Variants in RANBP2 observed in about 807,000 individuals in gnomAD.
The protein encoded by RANBP2 is E3 SUMO-protein ligase RanBP2.
RANBP2 carries 57 observed loss-of-function variants against 303.6 expected under a neutral mutation model. The ratio of observed to expected loss-of-function variants is 0.19; its 90% CI spans 0.15 to 0.23. The LOEUF is 0.23. Ranked by LOEUF, RANBP2 falls within the 10% of genes least tolerant of loss-of-function variation. The pLI is 1.00. For missense variants in RANBP2, 3,138 were observed against 3,780.8 expected (o/e 0.83, Z 4.46); for synonymous variants, 1,167 against 1,301.5 (o/e 0.90, Z 2.23).
the RANBP2 span, among the ~76,000 whole-genome samples, chr2:109,408,526 G>A: frequency 2.0e-5 from 3 of 152,194 alleles, no homozygotes; most frequent in Admixed American, 6.5e-5. Flanking sequence ...ACGCGCTCAC[G>A]CCCAGGCCGG....
chr2:109,487,463 G>A, the RANBP2 span, among the ~76,000 whole-genome samples: 1 of 152,238 alleles, frequency 6.6e-6, no homozygotes, highest in African/African-American at 2.4e-5. Flanking sequence ...GCAGAATTCT[G>A]TCCTGGAAGG....
the RANBP2 span, among the ~76,000 whole-genome samples, chr2:108,891,031 T>C: frequency 6.6e-6 from 1 of 152,186 alleles, no homozygotes; most frequent in Non-Finnish European, 1.5e-5. Context: ...AAAAAAAATC[T>C]ATCTCTTTGA....
the RANBP2 span, among the ~76,000 whole-genome samples, chr2:109,008,776 C>T: frequency 3.3e-5 from 5 of 151,238 alleles, no homozygotes; most frequent in Admixed American, 2.0e-4. Context: ...GTGGCGGGCG[C>T]CTGTAGTCCC....
chr2:108,804,780 G>T, the RANBP2 span: 1 of 1,083,678 alleles, frequency 9.2e-7, no homozygotes. Flanking sequence ...ACTGATTAAA[G>T]TTTTTGTGAT....
chr2:108,822,152 T>C, the RANBP2 span, among the ~76,000 whole-genome samples: 1 of 152,076 alleles, frequency 6.6e-6, no homozygotes, highest in Non-Finnish European at 1.5e-5. Flanking sequence ...AAAAGACTAG[T>C]AGTAGTAATA....
the RANBP2 span, among the ~76,000 whole-genome samples, chr2:108,965,863 T>C: frequency 6.6e-6 from 1 of 152,026 alleles, no homozygotes; most frequent in Non-Finnish European, 1.5e-5. Context: ...CCTCCACCTT[T>C]CCCTTCTGTG....
At chr2:109,535,760 G>A in the RANBP2 span, among the ~76,000 whole-genome samples, 1 of 152,164 alleles carries the variant, frequency 6.6e-6, no homozygotes, top group Non-Finnish European at 1.5e-5. Context: ...AATTAGCATA[G>A]GTATGTGGCA....
At chr2:109,164,186 C>G in the RANBP2 span, among the ~76,000 whole-genome samples, 2 of 151,350 alleles carry the variant, frequency 1.3e-5, no homozygotes, top group Non-Finnish European at 2.9e-5. Flanking sequence ...TTTTCTTTTA[C>G]TTTTTTTAAA....
At chr2:109,083,603 T>A in the RANBP2 span, among the ~76,000 whole-genome samples, 3 of 152,198 alleles carry the variant, frequency 2.0e-5, no homozygotes, top group East Asian at 5.8e-4. Flanking sequence ...TGAATAACGT[T>A]GCTGTGAACA....
chr2:109,012,832 T>C, the RANBP2 span, among the ~76,000 whole-genome samples: 3 of 152,232 alleles, frequency 2.0e-5, no homozygotes, highest in East Asian at 5.8e-4. Context: ...GAGAATGGCG[T>C]GGACCTGGGA....
the RANBP2 span, among the ~76,000 whole-genome samples, chr2:109,348,311 T>C: frequency 1.3e-5 from 2 of 152,170 alleles, no homozygotes; most frequent in African/African-American, 2.4e-5. Context: ...TCCAGGACTC[T>C]TGGGGTCCTG....
In RANBP2 at chr2:108,741,102, T is replaced by C. The variant is rs1401454439; in HGVS notation, c.975+421T>C. On this transcript the variant is annotated intron_variant, in intron 7 of 28. Transcript: ENST00000283195. Reference sequence around the variant, plus strand: ...AAGAATATGATTGCAATTTAACATGTTAATTGAAACACATGTATATAACAT... The same window carrying C: ...AAGAATATGATTGCAATTTAACATGCTAATTGAAACACATGTATATAACAT... Among the ~76,000 whole-genome samples the C allele has an allele frequency of 2.0e-5, 3 of 152,212 alleles. No individual in the cohort carries two copies. The East Asian group carries it at 5.8e-4, about 29-fold the overall frequency.
the RANBP2 span, among the ~76,000 whole-genome samples, chr2:109,101,986 A>G: frequency 4.6e-5 from 7 of 152,358 alleles, no homozygotes; most frequent in African/African-American, 1.7e-4. Context: ...TGAAATCTCC[A>G]TCTTCAGTTT....
chr2:109,013,405 G>C, the RANBP2 span, among the ~76,000 whole-genome samples: 1 of 152,154 alleles, frequency 6.6e-6, no homozygotes, highest in Non-Finnish European at 1.5e-5. Flanking sequence ...CACTTTAGAG[G>C]CACATCTGAC....
the RANBP2 span, among the ~76,000 whole-genome samples, chr2:109,049,677 G>A: frequency 1.3e-5 from 2 of 152,162 alleles, no homozygotes; most frequent in African/African-American, 4.8e-5. Context: ...TTCTATCAAT[G>A]TTGTTGGACT....
At chr2:109,275,992 C>T in the RANBP2 span, among the ~76,000 whole-genome samples, 3 of 152,170 alleles carry the variant, frequency 2.0e-5, no homozygotes, top group Non-Finnish European at 4.4e-5. Flanking sequence ...GACGAACATG[C>T]CCCCATTTGG....
At chr2:109,107,410 A>T in the RANBP2 span, among the ~76,000 whole-genome samples, 3 of 151,982 alleles carry the variant, frequency 2.0e-5, no homozygotes, top group Non-Finnish European at 4.4e-5. Context: ...CTGGCCGAGT[A>T]CCCCCTGGGG....
At chr2:109,056,236 A>T in the RANBP2 span, among the ~76,000 whole-genome samples, 1,804 of 152,202 alleles carry the variant, frequency 0.012, 39 homozygotes, top group African/African-American at 0.041. Flanking sequence ...GCAATGTCAT[A>T]GCTCACTGTG....
the RANBP2 span, among the ~76,000 whole-genome samples, chr2:109,078,389 A>C: frequency 6.8e-6 from 1 of 146,074 alleles, no homozygotes; most frequent in Non-Finnish European, 1.5e-5. Context: ...CATTATGCTA[A>C]GTGAAAAAGC....
Sources: gnomAD v4.1 joint callset for allele counts (sites outside exome capture counted in the v4.1 genomes callset) on GRCh38, gnomAD v4.1.1 for gene constraint, MANE v1.5 for transcripts, NCBI Gene and HGNC (gene_info 2026-07-23, HGNC 2026-07-21) for gene names.